The following CDK14 variants were observed in gnomAD, a reference collection of about 807,000 sequenced individuals.
The protein encoded by CDK14 is cyclin dependent kinase 14, also known as cyclin-dependent kinase 14.
In CDK14, 34 loss-of-function variants were observed where a neutral mutation model predicts 60.7. The ratio of observed to expected loss-of-function variants is 0.56; its 90% CI spans 0.43 to 0.75. The LOEUF is 0.75. CDK14 is among the 30% of genes least tolerant of loss of function. CDK14 has a pLI of 0.00. For synonymous variants in CDK14, 197 were observed against 203.7 expected, an observed-to-expected ratio of 0.97 and a Z score of 0.28; for missense variants, 482 against 564.1, an observed-to-expected ratio of 0.85 and a Z score of 1.47.
At chr7:90,860,206 C>T (rs1790957700) in intron 5 of CDK14, among the ~76,000 whole-genome samples, 1 of 147,678 alleles carries the variant, frequency 6.8e-6, no homozygotes, top group African/African-American at 2.5e-5. Flanking sequence ...GGATGGGCTA[C>T]TTGCATTGTA....
intron 10 of CDK14, among the ~76,000 whole-genome samples, chr7:91,030,434 A>G (rs1051477763): frequency 1.3e-5 from 2 of 152,146 alleles, no homozygotes. Flanking sequence ...TACTGTGGGC[A>G]TAGCACCCAG....
chr7:90,689,602 A>G (rs187321772), intron 2 of CDK14, among the ~76,000 whole-genome samples: 4 of 152,324 alleles, frequency 2.6e-5, no homozygotes, highest in Non-Finnish European at 5.9e-5. Context: ...CCCCAGGGAA[A>G]ACCATTAGCC....
At chr7:90,761,594 T>G (rs976620003) in intron 4 of CDK14, among the ~76,000 whole-genome samples, 7 of 152,194 alleles carry the variant, frequency 4.6e-5, no homozygotes, top group Non-Finnish European at 8.8e-5. Flanking sequence ...TAATTTTGTT[T>G]GCCAGGATAT....
intron 3 of CDK14, among the ~76,000 whole-genome samples, chr7:90,732,705 A>G (rs1802919442): frequency 6.6e-6 from 1 of 152,012 alleles, no homozygotes; most frequent in African/African-American, 2.4e-5. Flanking sequence ...ATCATTTTTT[A>G]CTGTGTCTAT....
rs146030798 is a variant in CDK14, at chr7:90,655,031, C to T, written c.123+50782C>T. Reference sequence around the variant, plus strand: ...CTCCTGCCAACCACTGATCCTTTTACTGTCTCCATAGTTTTGCCTTTTCCA... The same window carrying T: ...CTCCTGCCAACCACTGATCCTTTTATTGTCTCCATAGTTTTGCCTTTTCCA... On this transcript the variant is annotated intron_variant, in intron 2 of 14. Transcript: ENST00000380050. Among the ~76,000 whole-genome samples, 1,010 of 152,298 alleles carry T rather than the reference C, an allele frequency of 6.6e-3. 21 individuals carry two copies. The highest frequency in any genetic ancestry group is 0.023 in the African/African-American group (966 of 41,558).
At chr7:90,727,901 T>C (rs1188814335) in intron 3 of CDK14, among the ~76,000 whole-genome samples, 2 of 152,152 alleles carry the variant, frequency 1.3e-5, no homozygotes, top group Non-Finnish European at 1.5e-5. Context: ...CTGGGTTACA[T>C]GTCTTTCTTG....
intron 10 of CDK14, among the ~76,000 whole-genome samples, chr7:91,032,992 G>T (rs1476646584): frequency 1.3e-5 from 2 of 152,118 alleles, no homozygotes; most frequent in African/African-American, 4.8e-5. Flanking sequence ...ATTTTTCAGG[G>T]TAAAGGTTGA....
At chr7:90,790,537 A>T (rs1805788937) in intron 4 of CDK14, 36 bp from the exon 5 acceptor site, 11 of 1,424,294 alleles carry the variant, frequency 7.7e-6, no homozygotes, top group Non-Finnish European at 1.1e-5. Context: ...ATGGGCACAT[A>T]TTTTTATGAA....
chr7:90,866,058 A>C (rs1254072633), intron 6 of CDK14, among the ~76,000 whole-genome samples: 2 of 152,152 alleles, frequency 1.3e-5, no homozygotes, highest in Non-Finnish European at 2.9e-5. Flanking sequence ...AGTCCTAAAA[A>C]CAGTGAAACT....
At chr7:91,184,675 T>A (rs1802114563) in intron 14 of CDK14, among the ~76,000 whole-genome samples, 1 of 152,180 alleles carries the variant, frequency 6.6e-6, no homozygotes, top group Non-Finnish European at 1.5e-5. Context: ...GGTAGGTGTT[T>A]GGTGTAAAGT....
At chr7:90,963,318 A>T (rs756852857) in intron 9 of CDK14, among the ~76,000 whole-genome samples, 2 of 151,870 alleles carry the variant, frequency 1.3e-5, no homozygotes, top group African/African-American at 2.4e-5. Flanking sequence ...CAGGAGGCTG[A>T]TGTGGGAAGA....
At chr7:90,973,709 G>A (rs543323441) in intron 9 of CDK14, among the ~76,000 whole-genome samples, 4 of 127,656 alleles carry the variant, frequency 3.1e-5, no homozygotes, top group African/African-American at 2.9e-5. Context: ...TGGCGACCTC[G>A]AGCCGCAAAA....
intron 3 of CDK14, among the ~76,000 whole-genome samples, chr7:90,740,253 G>GTATA (rs113753789): frequency 6.2e-5 from 9 of 145,252 alleles, no homozygotes; most frequent in Non-Finnish European, 9.0e-5. Flanking sequence ...ATGTGTGTGT[G>GTATA]TATATATATA....
At chr7:90,811,515 T>C (rs1390020321) in intron 5 of CDK14, among the ~76,000 whole-genome samples, 1 of 152,138 alleles carries the variant, frequency 6.6e-6, no homozygotes. Flanking sequence ...ATAAAAACCC[T>C]AGAAGAAAAC....
intron 10 of CDK14, among the ~76,000 whole-genome samples, chr7:91,029,143 G>A (rs1239354866): frequency 6.6e-6 from 1 of 151,998 alleles, no homozygotes; most frequent in African/African-American, 2.4e-5. Flanking sequence ...TTTGTATATG[G>A]TGATAGATAG....
intron 11 of CDK14, among the ~76,000 whole-genome samples, chr7:91,060,488 C>T (rs1432434076): frequency 1.3e-5 from 2 of 152,156 alleles, no homozygotes; most frequent in African/African-American, 2.4e-5. Flanking sequence ...GCAGTTTCTT[C>T]CTAGCCTCGA....
At chr7:90,790,130 T>A (rs1259885856) in intron 4 of CDK14, among the ~76,000 whole-genome samples, 2 of 147,396 alleles carry the variant, frequency 1.4e-5, no homozygotes, top group African/African-American at 2.5e-5. Flanking sequence ...GAGAGAAGAA[T>A]GTCAAGTTTC....
chr7:91,064,351 A>G (rs1199099636), intron 11 of CDK14, among the ~76,000 whole-genome samples: 1 of 152,200 alleles, frequency 6.6e-6, no homozygotes, highest in Non-Finnish European at 1.5e-5. Context: ...CTCCAGATCT[A>G]CACTGTCTAA....
At chr7:90,780,028 T>G (rs1466110028) in intron 4 of CDK14, among the ~76,000 whole-genome samples, 1 of 152,192 alleles carries the variant, frequency 6.6e-6, no homozygotes, top group Non-Finnish European at 1.5e-5. Context: ...GAAGTCTGGA[T>G]TTTCCTTATT....
Sources: gnomAD v4.1 joint callset for allele counts (sites outside exome capture counted in the v4.1 genomes callset) on GRCh38, gnomAD v4.1.1 for gene constraint, MANE v1.5 for transcripts, NCBI Gene and HGNC (gene_info 2026-07-23, HGNC 2026-07-21) for gene names.